ATAD3B: variants seen among roughly 807,000 people sequenced by gnomAD.
The protein encoded by ATAD3B is ATPase family AAA domain containing 3B.
ATAD3B carries 59 observed loss-of-function variants against 70.2 expected under a neutral mutation model. The ratio of observed to expected loss-of-function variants is 0.84; its 90% CI spans 0.68 to 1.04. The LOEUF is 1.04. Ranked by LOEUF, ATAD3B falls within the 50% of genes least tolerant of loss-of-function variation. ATAD3B has a pLI of 0.00. For synonymous variants in ATAD3B, 423 were observed against 388.6 expected (o/e 1.09, Z -1.04); for missense variants, 961 against 913.4 (o/e 1.05, Z -0.67).
intron 13 of ATAD3B, chr1:1,489,730 G>T: frequency 7.6e-7 from 1 of 1,309,892 alleles, no homozygotes; most frequent in Non-Finnish European, 1.0e-6. Context: ...AGTCCTGCTG[G>T]TCGGCCGTGG....
downstream of ATAD3B, among the ~76,000 whole-genome samples, chr1:1,501,753 A>T (rs1640949860): frequency 1.3e-5 from 2 of 152,146 alleles, no homozygotes; most frequent in Admixed American, 1.3e-4. Flanking sequence ...ATCACCTGGA[A>T]GTAACTATCT....
chr1:1,499,882 C>G (rs1450238514), downstream of ATAD3B, among the ~76,000 whole-genome samples: 2 of 151,080 alleles, frequency 1.3e-5, no homozygotes, highest in Non-Finnish European at 2.9e-5. Context: ...GCGTGAGCCA[C>G]CGTGCCCAGC....
chr1:1,500,749 C>T (rs1056789557), downstream of ATAD3B, among the ~76,000 whole-genome samples: 2 of 149,266 alleles, frequency 1.3e-5, no homozygotes, highest in Non-Finnish European at 3.0e-5. Context: ...GTCAGGAGAT[C>T]GAGACCATCC....
downstream of ATAD3B, among the ~76,000 whole-genome samples, chr1:1,499,817 C>T (rs1475106766): frequency 6.7e-6 from 1 of 149,146 alleles, no homozygotes; most frequent in Non-Finnish European, 1.5e-5. Flanking sequence ...TGGTCTCGAA[C>T]TCCCGACGTC....
rs751719866 is a variant in ATAD3B, at chr1:1,477,356, TG to T, written c.282+10del. The T allele has an allele frequency of 2.1e-5, 34 of 1,611,862 alleles. No individual in the cohort carries two copies. Among genetic ancestry groups the T allele is most frequent in the Admixed American group, 1.3e-4 (8 of 59,962 alleles). ...AGCAACAGTCCAAGCTCAAAGTGAGTGGGGCCGGTGTGGGCGAGGAGGCCGG... is the reference window on the plus strand; with the variant it reads ...AGCAACAGTCCAAGCTCAAAGTGAGTGGGCCGGTGTGGGCGAGGAGGCCGG... On this transcript the variant is annotated splice_region_variant and intron_variant, in intron 2 of 15. Transcript: ENST00000673477.
the ATAD3B span, among the ~76,000 whole-genome samples, chr1:1,507,489 G>A: frequency 1.5e-4 from 23 of 152,278 alleles, no homozygotes; most frequent in Middle Eastern, 3.4e-3. Context: ...TGAACATTTC[G>A]TATGTGGAAC....
Position 1,490,251 on chromosome 1 carries a change from C to T in ATAD3B, c.1338-6C>T, listed in dbSNP as rs1237970753. The T allele has an allele frequency of 1.9e-6, 3 of 1,611,292 alleles. No individual in the cohort carries two copies. The highest frequency in any genetic ancestry group is 2.5e-6 in the Non-Finnish European group (3 of 1,178,396). On this transcript the variant is annotated splice_region_variant and splice_polypyrimidine_tract_variant and intron_variant, in intron 13 of 15. Transcript: ENST00000673477. ...CAGCGTTTCCTTCCCCATCCCTGTC[C>T]TACAGATTCATGCTGGTCCTGGCCA...
chr1:1,483,569 C>T, intron 7 of ATAD3B: 2 of 167,106 alleles, frequency 1.2e-5, no homozygotes, highest in South Asian at 1.5e-4. Context: ...GTCAGAAGTT[C>T]ATGACCAGCC....
intron 1 of ATAD3B, among the ~76,000 whole-genome samples, chr1:1,472,696 C>T (rs1639392618): frequency 6.6e-6 from 1 of 152,054 alleles, no homozygotes; most frequent in Non-Finnish European, 1.5e-5. Context: ...GTCTCTTCCC[C>T]CAGCCTTCCT....
rs574886542 is a variant in ATAD3B at position 1,479,248 on chromosome 1, G to A, written c.444+140G>A. The stretch of plus-strand genomic sequence containing the variant: ...GGTGCTAGAGCAGGGGAAACTACTC[G>A]GACAGACACGCACCAGCACACGTGT... On this transcript the variant is annotated intron_variant, in intron 4 of 15. Coordinates refer to ENST00000673477, the MANE Select transcript of ATAD3B (RefSeq NM_031921.6). 4.0e-4 allele frequency: 397 copies of A among 1,001,754 alleles called. 18 individuals carry two copies. In the African/African-American group the frequency reaches 5.8e-3, roughly 15 times the overall value. The allele number at this position is 1,001,754 out of a possible 1,614,324, so 62.1% of individuals were successfully genotyped here.
At chr1:1,498,735 C>T (rs1451898200), downstream of ATAD3B, among the ~76,000 whole-genome samples, 1 of 150,434 alleles carries the variant, frequency 6.6e-6, no homozygotes, top group Non-Finnish European at 1.5e-5. Context: ...CGGAGTCTCA[C>T]TCCGTCGCCC....
At chr1:1,506,959 T>A in the ATAD3B span, among the ~76,000 whole-genome samples, 1 of 152,042 alleles carries the variant, frequency 6.6e-6, no homozygotes, top group African/African-American at 2.4e-5. Context: ...AGCTAATTTT[T>A]TGTATTTTTA....
chr1:1,491,908 T>C (rs972904894), intron 15 of ATAD3B, among the ~76,000 whole-genome samples: 11 of 151,628 alleles, frequency 7.3e-5, no homozygotes, highest in Non-Finnish European at 1.5e-4. Context: ...GGAGGCTGGG[T>C]ATGGTGGTGG....
At position 1,497,605 on chromosome 1, in the gene ATAD3B, G is replaced by C. The variant is rs819986; in HGVS notation, c.*1788G>C. On this transcript the variant is annotated 3_prime_UTR_variant, in exon 16 of 16. Coordinates refer to ENST00000673477, the MANE Select transcript of ATAD3B (RefSeq NM_031921.6). ...GGTTAGACTGGGCTAGGTGGCTCACGCCTGTAATCCCAGCACTTTGGGAGG... is the reference window on the plus strand; with the variant it reads ...GGTTAGACTGGGCTAGGTGGCTCACCCCTGTAATCCCAGCACTTTGGGAGG... The C allele has an allele frequency of 0.41, 62,030 of 150,904 alleles. 16,408 individuals carry two copies. The highest frequency in any genetic ancestry group is 0.96 in the East Asian group (4,943 of 5,134). 9.3% of individuals were successfully genotyped at this position (150,904 alleles called of 1,614,324 possible).
At position 1,472,042 on chromosome 1, in the gene ATAD3B, C is replaced by G. The variant is rs1249414037; in HGVS notation, c.158C>G (p.Thr53Ser). The change falls in exon 1 of 16, where the codon ACC becomes AGC. Residue 53 changes from threonine (T) to serine (S), a missense_variant. Physicochemically the swap from Thr to Ser is moderately conservative, Grantham distance 58. This residue lies in a region of ATAD3B where 187 missense variants were observed against 244.3 expected (regional missense o/e 0.77). Coordinates refer to ENST00000673477, the MANE Select transcript of ATAD3B (RefSeq NM_031921.6). ...PKDKWSNFDP[T>S]GLERAAKAAR... ...GACAAATGGAGCAACTTCGACCCCA[C>G]CGGCCTGGAGCGCGCCGCCAAGGCG... is the stretch of plus-strand genomic sequence containing the variant. The G allele has an allele frequency of 8.1e-7, 1 of 1,231,618 alleles. No homozygotes were observed. Among genetic ancestry groups the G allele is most frequent in the Non-Finnish European group, 1.0e-6 (1 of 984,672 alleles). 76.3% of individuals were successfully genotyped at this position (1,231,618 alleles called of 1,614,324 possible). A position where few individuals can be genotyped will look rare whatever the true frequency, so the allele number is the denominator to read the frequency against.
Position 1,472,078 on chromosome 1 carries a change from T to A in ATAD3B, c.194T>A (p.Leu65Gln). 8.5e-7 allele frequency: 1 copy of A among 1,176,924 alleles called. No homozygotes were observed. The highest frequency in any genetic ancestry group is 5.0e-5 in the Admixed American group (1 of 20,000). The allele number at this position is 1,176,924 out of a possible 1,614,324, so 72.9% of individuals were successfully genotyped here. Reference sequence around the variant, plus strand: ...CGCGCCGCCAAGGCGGCGCGCGAGCTGGAGCACTCGCGTGAGTGCGGCGGG... The same window carrying A: ...CGCGCCGCCAAGGCGGCGCGCGAGCAGGAGCACTCGCGTGAGTGCGGCGGG... The part of the protein sequence containing the change: ...LERAAKAARE[L>Q]EHSRYAKEAL... Residue 65 changes from leucine (L) to glutamine (Q), a missense_variant, in exon 1 of 16, where the codon CTG becomes CAG. Coordinates refer to ENST00000673477, the MANE Select transcript of ATAD3B (RefSeq NM_031921.6).
In ATAD3B at chr1:1,486,114, G is replaced by T. The variant is rs1640200327; in HGVS notation, c.968G>T (p.Ser323Ile). The T allele has an allele frequency of 1.2e-6, 2 of 1,613,114 alleles. No individual in the cohort carries two copies. The highest frequency in any genetic ancestry group is 1.7e-6 in the Non-Finnish European group (2 of 1,179,636). The change falls in exon 10 of 16, where the codon AGC becomes ATC. Residue 323 changes from serine to isoleucine, a missense_variant. Around this residue, in one of 4 missense-constraint regions of ATAD3B, gnomAD observed 349 missense variants for 307.5 expected, o/e 1.14. Coordinates refer to ENST00000673477, the MANE Select transcript of ATAD3B (RefSeq NM_031921.6). ...DVLEGVVLSP[S>I]LEARVRDIAI... ...AACCCCCGTCTTCCCCGGCAGCCCA[G>T]CCTGGAAGCACGGGTGCGCGACATC...
the ATAD3B span, among the ~76,000 whole-genome samples, chr1:1,504,261 C>T: frequency 6.6e-6 from 1 of 151,142 alleles, no homozygotes; most frequent in Non-Finnish European, 1.5e-5. Flanking sequence ...GTTGAGATTA[C>T]AGGCGTGAGC....
chr1:1,487,270 C>T (rs909440942), intron 11 of ATAD3B, among the ~76,000 whole-genome samples: 2 of 151,768 alleles, frequency 1.3e-5, no homozygotes, highest in Admixed American at 6.6e-5. Context: ...CAGGCAGATA[C>T]GAGGCCAGGA....
Sources: allele counts gnomAD v4.1 joint callset (sites outside exome capture counted in the v4.1 genomes callset), GRCh38; gene constraint gnomAD v4.1.1; regional missense constraint gnomAD v4.1.1; transcripts MANE v1.5; gene names NCBI Gene and HGNC (gene_info 2026-07-23, HGNC 2026-07-21).